Variants in ACTR3 observed in about 807,000 individuals in gnomAD.
ACTR3 encodes the protein actin-related protein 3.
ACTR3 carries 12 observed loss-of-function variants against 56.8 expected under a neutral mutation model. That is an observed-to-expected ratio of 0.21 (90% CI 0.14 to 0.34). ACTR3 has a LOEUF of 0.34. ACTR3 is among the 10% of genes least tolerant of loss of function. ACTR3 has a pLI of 1.00. For synonymous variants in ACTR3, 162 were observed against 167.4 expected, an observed-to-expected ratio of 0.97 and a Z score of 0.25; for missense variants, 282 against 512.5, an observed-to-expected ratio of 0.55 and a Z score of 4.34.
Position 113,956,958 on chromosome 2 carries a change from G to A in ACTR3, c.1162-402G>A, listed in dbSNP as rs116758003. 2.1e-3 allele frequency among the ~76,000 whole-genome samples: 322 copies of A among 152,276 alleles called. 2 individuals are homozygous for A. Among genetic ancestry groups the A allele is most frequent in the African/African-American group, 7.4e-3 (307 of 41,564 alleles). ...ATCTAGACATTTCTTAGAACTAGACGAAAAATAGTCATAGCATGACTAGGA... is the reference window on the plus strand; with the variant it reads ...ATCTAGACATTTCTTAGAACTAGACAAAAAATAGTCATAGCATGACTAGGA... On this transcript the variant is annotated intron_variant, in intron 11 of 11. Coordinates refer to ENST00000263238, the MANE Select transcript of ACTR3 (RefSeq NM_005721.5).
chr2:113,936,642 A>G (rs983528254), intron 6 of ACTR3, among the ~76,000 whole-genome samples: 1 of 152,168 alleles, frequency 6.6e-6, no homozygotes, highest in African/African-American at 2.4e-5. Context: ...TACATTGTTA[A>G]CTTGTTTCAT....
intron 4 of ACTR3, among the ~76,000 whole-genome samples, chr2:113,928,624 G>A (rs1679661508): frequency 6.6e-6 from 1 of 152,142 alleles, no homozygotes; most frequent in African/African-American, 2.4e-5. Flanking sequence ...CCCTGTCACA[G>A]CTACTCAGCT....
chr2:113,901,235 T>C, intron 1 of ACTR3, among the ~76,000 whole-genome samples: 1 of 152,200 alleles, frequency 6.6e-6, no homozygotes, highest in East Asian at 1.9e-4. Flanking sequence ...GGAGAATTGC[T>C]TGAATCCAGC....
intron 3 of ACTR3, among the ~76,000 whole-genome samples, chr2:113,923,699 C>T (rs561409670): frequency 7.2e-4 from 107 of 149,382 alleles, no homozygotes; most frequent in African/African-American, 2.5e-3. Flanking sequence ...ACTACTCAAA[C>T]GTTGGTTTCT....
At chr2:113,935,394 G>A (rs936828181) in intron 6 of ACTR3, among the ~76,000 whole-genome samples, 8 of 152,082 alleles carry the variant, frequency 5.3e-5, no homozygotes, top group African/African-American at 1.9e-4. Flanking sequence ...TGGCAACCAC[G>A]AATCTACTTT....
intron 11 of ACTR3, among the ~76,000 whole-genome samples, 191 bp downstream of exon 11, chr2:113,955,897 G>A (rs144557723): frequency 6.1e-4 from 93 of 152,048 alleles, no homozygotes; most frequent in African/African-American, 2.2e-3. Context: ...ACAGGCATGC[G>A]TCACCACACC....
rs1197782478 is a variant in ACTR3 at position 113,961,052 on chromosome 2, A to G, written c.*3597A>G. ...ATTGACCTTTAGCAAGAATCTTTAG[A>G]TCTGCTGGAGGGCTGGGATGGCTTT... On this transcript the variant is annotated 3_prime_UTR_variant, in exon 12 of 12. Transcript: ENST00000263238. 2 of 152,012 alleles carry G rather than the reference A, an allele frequency of 1.3e-5. No homozygotes were observed. Among genetic ancestry groups the G allele is most frequent in the Non-Finnish European group, 2.9e-5 (2 of 67,908 alleles). 9.4% of individuals were successfully genotyped at this position (152,012 alleles called of 1,614,324 possible).
chr2:113,934,480 A>C, intron 6 of ACTR3, 94 bp downstream of exon 6: 2 of 809,998 alleles, frequency 2.5e-6, no homozygotes, highest in South Asian at 2.3e-5. Context: ...AAAAACTTTA[A>C]ATGCTGCACT....
At chr2:113,921,989 G>T (rs1679520847) in intron 3 of ACTR3, among the ~76,000 whole-genome samples, 1 of 152,146 alleles carries the variant, frequency 6.6e-6, no homozygotes, top group South Asian at 2.1e-4. Context: ...ATATGTAGAG[G>T]TAAACACTGT....
chr2:113,893,183 AT>A (rs1678939216), intron 1 of ACTR3, among the ~76,000 whole-genome samples: 1 of 151,922 alleles, frequency 6.6e-6, no homozygotes, highest in African/African-American at 2.4e-5. Flanking sequence ...ATTCACAAAC[AT>A]TTTTTAAAAA....
chr2:113,944,466 G>T (rs543343155), intron 8 of ACTR3, among the ~76,000 whole-genome samples: 3 of 151,384 alleles, frequency 2.0e-5, no homozygotes, highest in Non-Finnish European at 4.4e-5. Flanking sequence ...TTTATGAGGT[G>T]GAATCAAGCT....
At chr2:113,898,754 T>G (rs1025373155) in intron 1 of ACTR3, among the ~76,000 whole-genome samples, 1 of 152,226 alleles carries the variant, frequency 6.6e-6, no homozygotes, top group Non-Finnish European at 1.5e-5. Flanking sequence ...GAGATTTATA[T>G]CTTTGGATTT....
At position 113,933,677 on chromosome 2, in the gene ACTR3, A is replaced by ATTT. The variant is rs1167918809; in HGVS notation, c.433-584_433-582dup. Among the ~76,000 whole-genome samples, 345 of 123,810 alleles carry ATTT rather than the reference A, an allele frequency of 2.8e-3. 19 individuals are homozygous for ATTT. The highest frequency in any genetic ancestry group is 0.011 in the African/African-American group (304 of 28,904). 81.2% of individuals were successfully genotyped at this position (123,810 alleles called of 152,430 possible). A position where few individuals can be genotyped will look rare whatever the true frequency, so the allele number is the denominator to read the frequency against. Reference sequence around the variant, plus strand: ...AGTTCTGGCAAGTTAGTTCTATACAATTTTTTTTTTTTTTTTTTTTGAGAT... The same window carrying ATTT: ...AGTTCTGGCAAGTTAGTTCTATACAATTTTTTTTTTTTTTTTTTTTTTTGAGAT... On this transcript the variant is annotated intron_variant, in intron 5 of 11. Transcript: ENST00000263238.
chr2:113,949,233 C>A (rs1268017150), intron 8 of ACTR3, among the ~76,000 whole-genome samples: 1 of 151,160 alleles, frequency 6.6e-6, no homozygotes, highest in Non-Finnish European at 1.5e-5. Context: ...CAAAAATTAG[C>A]CGGGCGTGGT....
chr2:113,908,686 TG>T (rs1679248899), intron 1 of ACTR3, among the ~76,000 whole-genome samples: 1 of 152,088 alleles, frequency 6.6e-6, no homozygotes, highest in Non-Finnish European at 1.5e-5. Context: ...AACTTTGACT[TG>T]TTTTTTTTAA....
At chr2:113,906,501 A>G (rs539853789) in intron 1 of ACTR3, among the ~76,000 whole-genome samples, 4 of 151,778 alleles carry the variant, frequency 2.6e-5, no homozygotes, top group East Asian at 1.9e-4. Flanking sequence ...TTCTTTTGTT[A>G]CTTGTGCTTT....
At chr2:113,897,274 T>C (rs961226086) in intron 1 of ACTR3, among the ~76,000 whole-genome samples, 5 of 152,152 alleles carry the variant, frequency 3.3e-5, no homozygotes, top group Non-Finnish European at 5.9e-5. Context: ...TGTGTGCTGA[T>C]TTTATAACTT....
At chr2:113,921,582 C>A (rs531649616) in intron 3 of ACTR3, among the ~76,000 whole-genome samples, 10 of 152,158 alleles carry the variant, frequency 6.6e-5, no homozygotes, top group African/African-American at 2.4e-4. Flanking sequence ...AAGTTTTCTT[C>A]TAGTACTTTT....
At chr2:113,955,322 A>G (rs1574387267) in intron 10 of ACTR3, 2 of 203,516 alleles carry the variant, frequency 9.8e-6, no homozygotes, top group East Asian at 2.1e-4. Flanking sequence ...CCCTTCTTTT[A>G]AGGTGTTATT....
Sources: allele counts gnomAD v4.1 joint callset (sites outside exome capture counted in the v4.1 genomes callset), GRCh38; gene constraint gnomAD v4.1.1; transcripts MANE v1.5; gene names NCBI Gene and HGNC (gene_info 2026-07-23, HGNC 2026-07-21).